Variants in CSMD2 observed in about 807,000 individuals in gnomAD.
CSMD2 encodes the protein CUB and Sushi multiple domains 2.
CSMD2 carries 130 observed loss-of-function variants against 398.5 expected under a neutral mutation model. The ratio of observed to expected loss-of-function variants is 0.33; its 90% CI spans 0.28 to 0.38. The LOEUF (loss-of-function observed/expected upper bound fraction) is 0.38. Among genes scored for constraint, CSMD2 ranks in the 10% least tolerant of loss-of-function variants. The pLI, the probability that CSMD2 is intolerant of heterozygous loss-of-function variation, is 1.00. For missense variants in CSMD2, 3,829 were observed against 4,764.9 expected, an observed-to-expected ratio of 0.80 and a Z score of 5.78; for synonymous variants, 1,828 against 1,908.5, an observed-to-expected ratio of 0.96 and a Z score of 1.10.
In CSMD2 at chr1:33,635,293, C is replaced by A; in HGVS notation, c.5007G>T (p.Val1669=). ...TCTGGGGGTAGTTGGGGGACAAGAC[C>A]ACTCCGTCCGAACCCACATACTGTC... ...CGGQYVGSDG[V]VLSPNYPQNY... The change falls in exon 31 of 71, where the codon GTG becomes GTT. Residue 1669 remains valine (V), a synonymous_variant. Coordinates refer to ENST00000373381, the MANE Select transcript of CSMD2 (RefSeq NM_001281956.2). This position sits in a 1 kb window ranked among gnomAD's most constrained non-coding sequence, Gnocchi z 5.0. The A allele has an allele frequency of 6.2e-7, 1 of 1,612,410 alleles. No individual in the cohort carries two copies. The highest frequency in any genetic ancestry group is 1.1e-5 in the South Asian group (1 of 90,984).
chr1:33,907,149 G>T (rs1570463224), intron 5 of CSMD2, among the ~76,000 whole-genome samples: 1 of 145,840 alleles, frequency 6.9e-6, no homozygotes, highest in African/African-American at 2.5e-5. Context: ...GACGGAGTCT[G>T]GCTCTGTCGC....
chr1:34,074,300 C>G (rs1656069492), intron 2 of CSMD2, among the ~76,000 whole-genome samples: 1 of 152,200 alleles, frequency 6.6e-6, no homozygotes, highest in South Asian at 2.1e-4. Flanking sequence ...ATAATGTGAA[C>G]AATGTCTATT....
intron 10 of CSMD2, among the ~76,000 whole-genome samples, chr1:33,795,149 T>C (rs1654806084): frequency 6.6e-6 from 1 of 151,988 alleles, no homozygotes; most frequent in South Asian, 2.1e-4. Flanking sequence ...TGTGGACCTG[T>C]AGCAAGGTCT....
intron 25 of CSMD2, among the ~76,000 whole-genome samples, chr1:33,671,162 C>T (rs773420348): frequency 2.6e-5 from 4 of 152,170 alleles, no homozygotes; most frequent in Non-Finnish European, 4.4e-5. Flanking sequence ...AATGTCCAAG[C>T]TGCAGAGGAG....
At chr1:34,058,986 A>C (rs540371621) in intron 2 of CSMD2, among the ~76,000 whole-genome samples, 2 of 152,122 alleles carry the variant, frequency 1.3e-5, no homozygotes, top group East Asian at 3.9e-4. Context: ...GTCCTAGGCA[A>C]AGAAACCCAG....
At chr1:34,126,675 A>AG (rs1662770092) in intron 1 of CSMD2, among the ~76,000 whole-genome samples, 2 of 152,130 alleles carry the variant, frequency 1.3e-5, no homozygotes, top group Non-Finnish European at 2.9e-5. Flanking sequence ...ACACTGCAGG[A>AG]GGGAGTGGAG....
At chr1:33,634,424 G>A (rs1571024258) in intron 31 of CSMD2, among the ~76,000 whole-genome samples, 2 of 152,278 alleles carry the variant, frequency 1.3e-5, no homozygotes, top group East Asian at 3.9e-4. Flanking sequence ...TGCTCCCTCC[G>A]TCCTGCTCCT....
intron 25 of CSMD2, among the ~76,000 whole-genome samples, chr1:33,681,892 G>T (rs924803700): frequency 2.0e-5 from 3 of 152,168 alleles, no homozygotes; most frequent in African/African-American, 7.2e-5. Context: ...CTTGAACCCG[G>T]GAGGTGGAGT....
intron 25 of CSMD2, among the ~76,000 whole-genome samples, chr1:33,675,977 T>C (rs1368766593): frequency 6.6e-6 from 1 of 152,140 alleles, no homozygotes; most frequent in Non-Finnish European, 1.5e-5. Flanking sequence ...TAAGAGCTAT[T>C]TATGACAAAC....
intron 5 of CSMD2, among the ~76,000 whole-genome samples, chr1:33,907,157 C>T (rs1260557388): frequency 1.9e-4 from 26 of 138,298 alleles, no homozygotes; most frequent in Non-Finnish European, 3.2e-4. Context: ...CTGGCTCTGT[C>T]GCCCAGGCTG....
chr1:34,089,251 G>C (rs187376132), intron 1 of CSMD2, 58 bp from the exon 2 acceptor site: 7 of 1,477,658 alleles, frequency 4.7e-6, no homozygotes, highest in Non-Finnish European at 6.6e-6. Flanking sequence ...GAAGCTTCTA[G>C]AGAGTCAGGA....
intron 13 of CSMD2, among the ~76,000 whole-genome samples, chr1:33,764,870 C>G (rs1049362738): frequency 2.0e-4 from 30 of 152,118 alleles, no homozygotes; most frequent in African/African-American, 6.8e-4. Flanking sequence ...TGTATGTTTA[C>G]AGGGAACACT....
chr1:33,649,609 A>G (rs1030226249), intron 28 of CSMD2, among the ~76,000 whole-genome samples: 2 of 152,204 alleles, frequency 1.3e-5, no homozygotes, highest in Non-Finnish European at 2.9e-5. Flanking sequence ...GTGCCACTGT[A>G]CTCCAGCCTG....
intron 60 of CSMD2, among the ~76,000 whole-genome samples, chr1:33,540,263 T>C (rs552920227): frequency 6.9e-6 from 1 of 145,960 alleles, no homozygotes; most frequent in Non-Finnish European, 1.5e-5. Flanking sequence ...ACCCTTCAGG[T>C]AAAAAAAAAA....
chr1:33,907,386 C>G (rs879229985), intron 5 of CSMD2, among the ~76,000 whole-genome samples: 1 of 152,002 alleles, frequency 6.6e-6, no homozygotes, highest in Non-Finnish European at 1.5e-5. Context: ...CTCGGCCTCC[C>G]AAGGTGCTGG....
intron 1 of CSMD2, among the ~76,000 whole-genome samples, chr1:34,092,761 C>CT (rs1176525757): frequency 1.3e-5 from 2 of 152,238 alleles, no homozygotes; most frequent in African/African-American, 4.8e-5. Context: ...GGGTCCTACC[C>CT]CACGGAGTCT....
intron 34 of CSMD2, 28 bp downstream of exon 34, chr1:33,625,023 C>T: frequency 1.9e-6 from 3 of 1,610,686 alleles, no homozygotes; most frequent in Middle Eastern, 1.7e-4. Context: ...CCCCCCGCAC[C>T]CTCAACGCCC....
chr1:33,635,330 G>T lies in CSMD2; in HGVS notation c.4970C>A (p.Ala1657Asp), dbSNP rs1277331624. The change falls in exon 31 of 71, where the codon GCC becomes GAC. Residue 1657 changes from alanine (A) to aspartate (D), a missense_variant and splice_region_variant. Ala to Asp is a moderately radical substitution (Grantham distance 126). Coordinates refer to ENST00000373381, the MANE Select transcript of CSMD2 (RefSeq NM_001281956.2). This position sits in a 1 kb window ranked among gnomAD's most constrained non-coding sequence, Gnocchi z 5.0. ...VWNNPRPVCT[A>D]PCGGQYVGSD... ...ACCCACATACTGTCCCCCACAGGGG[G>T]CTGAAAGAGAAACCAGATAGAGAGT... 3 of 1,587,674 alleles carry T rather than the reference G, an allele frequency of 1.9e-6. No individual in the cohort carries two copies. Among genetic ancestry groups the T allele is most frequent in the Non-Finnish European group, 2.6e-6 (3 of 1,156,978 alleles).
chr1:34,059,575 G>C (rs567400348), intron 2 of CSMD2, among the ~76,000 whole-genome samples: 2 of 152,274 alleles, frequency 1.3e-5, no homozygotes, highest in African/African-American at 2.4e-5. Flanking sequence ...GGGAATCTGT[G>C]TATTTTGTTC....
Sources: gnomAD v4.1 joint callset for allele counts (sites outside exome capture counted in the v4.1 genomes callset) on GRCh38, gnomAD v4.1.1 for gene constraint, Gnocchi (gnomAD v3.1) non-coding constraint, MANE v1.5 for transcripts, NCBI Gene and HGNC (gene_info 2026-07-23, HGNC 2026-07-21) for gene names.